Variants in MEMO1 observed in about 807,000 individuals in gnomAD.
MEMO1 encodes protein MEMO1.
In MEMO1, 6 loss-of-function variants were observed where a neutral mutation model predicts 45.2. The ratio of observed to expected loss-of-function variants is 0.13; its 90% CI spans 0.07 to 0.26. The LOEUF (loss-of-function observed/expected upper bound fraction) is 0.26, where lower values mean the gene tolerates loss of function less well. MEMO1 is among the 10% of genes least tolerant of loss of function. MEMO1 has a pLI of 1.00. For missense variants in MEMO1, 184 were observed against 370.5 expected, an observed-to-expected ratio of 0.50 and a Z score of 4.13; for synonymous variants, 78 against 124.3, an observed-to-expected ratio of 0.63 and a Z score of 2.48.
At chr2:31,897,712 C>G (rs1333550810) in intron 6 of MEMO1, among the ~76,000 whole-genome samples, 1 of 152,114 alleles carries the variant, frequency 6.6e-6, no homozygotes, top group African/African-American at 2.4e-5. Context: ...GTTTTAGTAT[C>G]AGGATGATGC....
At chr2:31,913,705 C>T (rs577189630) in intron 6 of MEMO1, among the ~76,000 whole-genome samples, 7 of 152,160 alleles carry the variant, frequency 4.6e-5, no homozygotes, top group East Asian at 1.9e-4. Flanking sequence ...ATAGCAGATA[C>T]GGTCAAGACT....
intron 2 of MEMO1, among the ~76,000 whole-genome samples, chr2:31,961,715 G>T (rs1014189980): frequency 6.6e-6 from 1 of 151,926 alleles, no homozygotes; most frequent in Non-Finnish European, 1.5e-5. Flanking sequence ...GAGGCAGAGG[G>T]TGCAGTGACC....
intron 8 of MEMO1, among the ~76,000 whole-genome samples, chr2:31,872,191 A>G (rs972883608): frequency 5.3e-5 from 8 of 152,210 alleles, no homozygotes; most frequent in Admixed American, 5.2e-4. Context: ...TAACTCCCCT[A>G]GAGATAAATG....
At chr2:31,943,247 A>C in intron 3 of MEMO1, 55 bp downstream of exon 3, 1 of 1,329,616 alleles carries the variant, frequency 7.5e-7, no homozygotes, top group South Asian at 1.2e-5. Flanking sequence ...CCTGGGCGAC[A>C]CAGGGAGACT....
intron 2 of MEMO1, among the ~76,000 whole-genome samples, chr2:31,960,397 AT>A (rs1395317143): frequency 6.6e-6 from 1 of 152,118 alleles, no homozygotes; most frequent in Non-Finnish European, 1.5e-5. Flanking sequence ...ACATCTATTA[AT>A]TATAGCCTTT....
chr2:32,000,037 A>G (rs1016324115), intron 2 of MEMO1, among the ~76,000 whole-genome samples: 3 of 151,484 alleles, frequency 2.0e-5, no homozygotes. Flanking sequence ...TCAGCACATC[A>G]CTACATCCAG....
chr2:31,882,288 GC>G (rs1675513650), intron 8 of MEMO1, among the ~76,000 whole-genome samples: 1 of 152,110 alleles, frequency 6.6e-6, no homozygotes, highest in African/African-American at 2.4e-5. Flanking sequence ...CTGCACTCCA[GC>G]CTCAGTAACG....
intron 8 of MEMO1, among the ~76,000 whole-genome samples, chr2:31,881,266 G>A (rs1675318347): frequency 6.6e-6 from 1 of 151,626 alleles, no homozygotes; most frequent in Admixed American, 6.6e-5. Flanking sequence ...AAGGAGGGTG[G>A]ATCACTTGAT....
intron 2 of MEMO1, among the ~76,000 whole-genome samples, chr2:31,954,193 G>C (rs1182620186): frequency 1.3e-5 from 2 of 152,096 alleles, no homozygotes; most frequent in Admixed American, 6.6e-5. Flanking sequence ...CTGCACTATG[G>C]TGTTATTTTA....
rs1373362424 is a variant in MEMO1 at position 31,883,261 on chromosome 2, T to C, written c.657+125A>G. The C allele has an allele frequency of 1.7e-5, 12 of 695,804 alleles. No homozygotes were observed. In the Admixed American group the frequency reaches 2.6e-4, roughly 15 times the overall value. 43.1% of individuals were successfully genotyped at this position (695,804 alleles called of 1,614,324 possible). The stretch of plus-strand genomic sequence containing the variant: ...TAGTCAGTATTTATATGATGACACA[T>C]TGCATTTTGTACATTTAAAGATAGG... On this transcript the variant is annotated intron_variant, in intron 8 of 9. Transcript: ENST00000404530.
intron 2 of MEMO1, among the ~76,000 whole-genome samples, chr2:31,979,215 G>A (rs947407733): frequency 4.6e-5 from 7 of 152,112 alleles, no homozygotes; most frequent in Non-Finnish European, 7.3e-5. Flanking sequence ...GAACAGCAGA[G>A]AGGAAACCAG....
intron 2 of MEMO1, among the ~76,000 whole-genome samples, chr2:32,001,905 T>A (rs1349095141): frequency 2.7e-5 from 4 of 150,888 alleles, no homozygotes; most frequent in Non-Finnish European, 5.9e-5. Context: ...CCCAGCGCCT[T>A]GGGAGGCCAA....
chr2:31,965,126 T>A (rs1434564596), intron 2 of MEMO1, among the ~76,000 whole-genome samples: 1 of 151,722 alleles, frequency 6.6e-6, no homozygotes, highest in Non-Finnish European at 1.5e-5. Flanking sequence ...GGCAGGAGAA[T>A]CGCTTGAACC....
At chr2:31,934,596 A>C (rs1455293007) in intron 3 of MEMO1, among the ~76,000 whole-genome samples, 1 of 152,246 alleles carries the variant, frequency 6.6e-6, no homozygotes, top group African/African-American at 2.4e-5. Context: ...GAACATGAGC[A>C]AATGTCCAAG....
chr2:31,932,174 C>CA lies in MEMO1; in HGVS notation c.144-40dup, dbSNP rs1224175227. 1.9e-6 allele frequency: 3 copies of CA among 1,557,542 alleles called. No homozygotes were observed. The East Asian group carries it at 6.7e-5, about 35-fold the overall frequency. On this transcript the variant is annotated intron_variant, in intron 3 of 9. Transcript: ENST00000404530. Reference sequence around the variant, plus strand: ...TATTTTTAAACTTAATCATCAGATTCAAAATCAAGATATTCTAGAAAGAAA... The same window carrying CA: ...TATTTTTAAACTTAATCATCAGATTCAAAAATCAAGATATTCTAGAAAGAAA...
At chr2:31,988,409 T>A (rs1039130546) in intron 2 of MEMO1, among the ~76,000 whole-genome samples, 1 of 152,130 alleles carries the variant, frequency 6.6e-6, no homozygotes, top group African/African-American at 2.4e-5. Context: ...TAGCTGGGCG[T>A]GGTGGCACAC....
At chr2:31,873,435 T>C (rs1306048799) in intron 8 of MEMO1, among the ~76,000 whole-genome samples, 1 of 152,148 alleles carries the variant, frequency 6.6e-6, no homozygotes, top group Non-Finnish European at 1.5e-5. Flanking sequence ...CAGTGAATAT[T>C]TGTGATGTCA....
At chr2:31,980,241 G>A (rs1325084166) in intron 2 of MEMO1, among the ~76,000 whole-genome samples, 1 of 152,052 alleles carries the variant, frequency 6.6e-6, no homozygotes, top group Non-Finnish European at 1.5e-5. Context: ...AGACCAGCCT[G>A]GACAATAAAG....
At position 31,869,851 on chromosome 2, in the gene MEMO1, T is replaced by C; in HGVS notation, c.759A>G (p.Leu253=). 6.4e-7 allele frequency: 1 copy of C among 1,572,062 alleles called. No homozygotes were observed. Among genetic ancestry groups the C allele is most frequent in the Non-Finnish European group, 8.6e-7 (1 of 1,167,028 alleles). The change falls in exon 9 of 10, where the codon TTA becomes TTG. Residue 253 remains leucine, a synonymous_variant. Transcript: ENST00000404530. ...ICGRHPIGVL[L]NAITELQKNG... The stretch of plus-strand genomic sequence containing the variant: ...AAGGCTTCCTAAGGATACTCACATT[T>C]AATAACACCCCAATGGGATGTCTTC...
Sources: gnomAD v4.1 joint callset for allele counts (sites outside exome capture counted in the v4.1 genomes callset) on GRCh38, gnomAD v4.1.1 for gene constraint, MANE v1.5 for transcripts, NCBI Gene and HGNC (gene_info 2026-07-23, HGNC 2026-07-21) for gene names.